BAIAP2: variants seen among roughly 807,000 people sequenced by gnomAD.
BAIAP2 encodes BAR/IMD domain-containing adapter protein 2.
A neutral mutation model predicts 63.0 loss-of-function variants in BAIAP2; 18 were observed. The observed-to-expected ratio is 0.29, with a 90% CI of 0.20 to 0.42. The LOEUF is 0.42. Among genes scored for constraint, BAIAP2 ranks in the 10% least tolerant of loss-of-function variants. The pLI is 1.00. For missense variants in BAIAP2, 610 were observed against 734.3 expected (o/e 0.83, Z 1.96); for synonymous variants, 386 against 307.6 (o/e 1.25, Z -2.67).
At position 81,117,099 on chromosome 17, in the gene BAIAP2, G is replaced by A. The variant is rs1056703647; in HGVS notation, c.*1260G>A. 1 of 152,290 alleles carries A rather than the reference G, an allele frequency of 6.6e-6. No individual in the cohort carries two copies. The highest frequency in any genetic ancestry group is 2.4e-5 in the African/African-American group (1 of 41,444). 9.4% of individuals were successfully genotyped at this position (152,290 alleles called of 1,614,324 possible). On this transcript the variant is annotated 3_prime_UTR_variant, in exon 14 of 14. Coordinates refer to ENST00000428708, the MANE Select transcript of BAIAP2 (RefSeq NM_001144888.2). ...GCCTGCAGGAAGGGAGACCTGCAGGGCGCTACCCCTGCGCCCCCACACACA... is the reference window on the plus strand; with the variant it reads ...GCCTGCAGGAAGGGAGACCTGCAGGACGCTACCCCTGCGCCCCCACACACA...
chr17:81,071,027 T>C (rs2052537199), intron 3 of BAIAP2, among the ~76,000 whole-genome samples: 1 of 151,984 alleles, frequency 6.6e-6, no homozygotes, highest in South Asian at 2.1e-4. Context: ...CTCTTTGGAC[T>C]TGCTTGGTTT....
At chr17:81,080,321 A>G (rs2054385120) in intron 3 of BAIAP2, among the ~76,000 whole-genome samples, 1 of 152,230 alleles carries the variant, frequency 6.6e-6, no homozygotes. Flanking sequence ...AGCTGCCTGT[A>G]AGGTGCAGTT....
At chr17:81,058,768 C>T (rs144682178) in intron 3 of BAIAP2, among the ~76,000 whole-genome samples, 8 of 152,298 alleles carry the variant, frequency 5.3e-5, no homozygotes, top group African/African-American at 1.7e-4. Flanking sequence ...TCCCCGTGGC[C>T]GCCAATCTGG....
chr17:81,114,926 GAGCA>G (rs1242514498), intron 13 of BAIAP2, among the ~76,000 whole-genome samples: 1 of 152,220 alleles, frequency 6.6e-6, no homozygotes, highest in African/African-American at 2.4e-5. Flanking sequence ...AGCTTTGCCA[GAGCA>G]CAGTCCCGTC....
chr17:81,096,704 G>A (rs1252072910), intron 6 of BAIAP2, among the ~76,000 whole-genome samples: 2 of 152,254 alleles, frequency 1.3e-5, no homozygotes, highest in Non-Finnish European at 2.9e-5. Context: ...GGAGCACAGC[G>A]GGCTCAGGTG....
chr17:81,049,857 GAGTGTATGCCCCAC>G (rs1047378199), intron 1 of BAIAP2, among the ~76,000 whole-genome samples: 4 of 152,244 alleles, frequency 2.6e-5, no homozygotes, highest in African/African-American at 7.2e-5. Context: ...GGCGGGACTG[GAGTGTATGCCCCAC>G]AGTGGGCTCT....
intron 13 of BAIAP2, among the ~76,000 whole-genome samples, chr17:81,113,762 G>C (rs998745366): frequency 2.6e-5 from 4 of 152,164 alleles, no homozygotes; most frequent in African/African-American, 9.7e-5. Context: ...AAAAATGCAG[G>C]TTAGAGAACA....
intron 6 of BAIAP2, among the ~76,000 whole-genome samples, chr17:81,093,495 C>A (rs921604493): frequency 1.3e-5 from 2 of 152,052 alleles, no homozygotes; most frequent in Non-Finnish European, 2.9e-5. Flanking sequence ...GCAGCCCTCG[C>A]TGGCCGGTCG....
chr17:81,113,641 C>G (rs1332336537), intron 13 of BAIAP2, among the ~76,000 whole-genome samples: 1 of 151,146 alleles, frequency 6.6e-6, no homozygotes, highest in African/African-American at 2.4e-5. Flanking sequence ...CCCCGTCAGG[C>G]TGAGATTGGA....
chr17:81,115,642 C>T (rs374578264), intron 13 of BAIAP2, 128 bp from the exon 14 acceptor site: 6 of 1,117,904 alleles, frequency 5.4e-6, no homozygotes, highest in East Asian at 2.5e-5. Context: ...TGTCTGTGAG[C>T]TCTGTGCCCT....
At chr17:81,091,438 C>T (rs1490315520) in intron 6 of BAIAP2, among the ~76,000 whole-genome samples, 7 of 152,044 alleles carry the variant, frequency 4.6e-5, no homozygotes, top group Admixed American at 1.3e-4. Context: ...GGGGGCAGCC[C>T]GGGGGTGTCT....
intron 6 of BAIAP2, among the ~76,000 whole-genome samples, chr17:81,099,018 C>T (rs536760311): frequency 3.4e-5 from 5 of 148,742 alleles, no homozygotes; most frequent in East Asian, 2.0e-4. Context: ...CGGGGACACC[C>T]GGGTGGGCAC....
In BAIAP2 at chr17:81,103,480, C is replaced by T. The variant is rs760753131; in HGVS notation, c.643-22C>T. On this transcript the variant is annotated intron_variant, in intron 7 of 13. Transcript: ENST00000428708. ...AGACTGAGCCGGCCCTGACCCCTCC[C>T]TTCCTGCTGCTTCCACTTCAGGGCA... 223 of 1,543,746 alleles carry T rather than the reference C, an allele frequency of 1.4e-4. 2 individuals carry two copies. The highest frequency in any genetic ancestry group is 8.8e-4 in the South Asian group (75 of 85,128).
intron 6 of BAIAP2, among the ~76,000 whole-genome samples, chr17:81,091,966 G>C (rs367883553): frequency 6.6e-6 from 1 of 152,378 alleles, no homozygotes; most frequent in African/African-American, 2.4e-5. Flanking sequence ...GCAGCTCCAC[G>C]GGCTGGACGG....
intron 1 of BAIAP2, among the ~76,000 whole-genome samples, chr17:81,038,954 C>T (rs1247323231): frequency 1.3e-5 from 2 of 152,302 alleles, no homozygotes; most frequent in Admixed American, 6.5e-5. Flanking sequence ...AGTGCTGGAC[C>T]CAGCTCCGTG....
At chr17:81,071,201 G>A (rs2144797773) in intron 3 of BAIAP2, among the ~76,000 whole-genome samples, 1 of 152,226 alleles carries the variant, frequency 6.6e-6, no homozygotes, top group Non-Finnish European at 1.5e-5. Context: ...GAAGCTGGTG[G>A]CTGGAGGGCA....
intron 6 of BAIAP2, among the ~76,000 whole-genome samples, chr17:81,096,386 C>G (rs542848774): frequency 6.6e-6 from 1 of 152,356 alleles, no homozygotes; most frequent in Admixed American, 6.5e-5. Flanking sequence ...GGCTGCCCCA[C>G]TTAAGGGATT....
At chr17:81,104,839 G>A (rs999989635) in intron 10 of BAIAP2, 124 bp downstream of exon 10, 62 of 1,039,278 alleles carry the variant, frequency 6.0e-5, no homozygotes, top group Non-Finnish European at 7.5e-5. Flanking sequence ...GGTCCTCGCC[G>A]TAGAAGACCT....
chr17:81,058,863 G>A (rs1339457224), intron 3 of BAIAP2, among the ~76,000 whole-genome samples: 1 of 152,104 alleles, frequency 6.6e-6, no homozygotes, highest in African/African-American at 2.4e-5. Flanking sequence ...TTTTCTTCTC[G>A]GGGACTGAAA....
Sources: gnomAD v4.1 joint callset for allele counts (sites outside exome capture counted in the v4.1 genomes callset) on GRCh38, gnomAD v4.1.1 for gene constraint, MANE v1.5 for transcripts, NCBI Gene and HGNC (gene_info 2026-07-23, HGNC 2026-07-21) for gene names.